Variants in TMCC1 observed in about 807,000 individuals in gnomAD.
The protein encoded by TMCC1 is transmembrane and coiled-coil domain family 1, also known as transmembrane and coiled-coil domains protein 1.
TMCC1 carries 15 observed loss-of-function variants against 52.4 expected under a neutral mutation model. The observed-to-expected ratio is 0.29, with a 90% confidence interval of 0.19 to 0.44. TMCC1 has a LOEUF of 0.44. TMCC1 is among the 20% of genes least tolerant of loss of function. The probability of loss-of-function intolerance (pLI) is 1.00; values close to 1 mark genes in which losing one functional copy is unlikely to be tolerated. For synonymous variants in TMCC1, 279 were observed against 301.9 expected (o/e 0.92, Z 0.79); for missense variants, 503 against 806.0 (o/e 0.62, Z 4.55).
In TMCC1 at chr3:129,651,383, T is replaced by G. The variant is rs946466051; in HGVS notation, c.*98A>C. ...ATGTAAACAGATTCACTCAACTCTT[T>G]TTTTGTTGTAGAAAACTTCAGAGTA... On this transcript the variant is annotated 3_prime_UTR_variant, in exon 7 of 7. Coordinates refer to ENST00000393238, the MANE Select transcript of TMCC1 (RefSeq NM_001017395.5). The surrounding 1 kb of genome is among the most constrained non-coding windows in gnomAD (Gnocchi z 5.1). The G allele has an allele frequency of 1.8e-5, 23 of 1,301,782 alleles. No individual in the cohort carries two copies. In the African/African-American group the frequency reaches 3.4e-4, roughly 19 times the overall value. 80.6% of individuals were successfully genotyped at this position (1,301,782 alleles called of 1,614,324 possible). A position where few individuals can be genotyped will look rare whatever the true frequency, so the allele number is the denominator to read the frequency against.
chr3:129,742,517 A>AC (rs1296425733), intron 4 of TMCC1, among the ~76,000 whole-genome samples: 1 of 152,148 alleles, frequency 6.6e-6, no homozygotes, highest in African/African-American at 2.4e-5. Context: ...ATGTGATACT[A>AC]CTTCATACCC....
chr3:129,876,442 T>C (rs1213086162), intron 2 of TMCC1, among the ~76,000 whole-genome samples: 1 of 152,066 alleles, frequency 6.6e-6, no homozygotes, highest in East Asian at 1.9e-4. Flanking sequence ...AATCCTTACA[T>C]TTTTTCTTTT....
chr3:129,816,896 G>A (rs1413092683), intron 4 of TMCC1, among the ~76,000 whole-genome samples: 1 of 151,952 alleles, frequency 6.6e-6, no homozygotes, highest in African/African-American at 2.4e-5. Flanking sequence ...AGGTGTGACG[G>A]TGCACACCTG....
At chr3:129,653,434 TAA>T (rs1272457796) in intron 6 of TMCC1, among the ~76,000 whole-genome samples, 1 of 152,192 alleles carries the variant, frequency 6.6e-6, no homozygotes, top group Non-Finnish European at 1.5e-5. Context: ...GACCAAACAT[TAA>T]AAGTGTCTAT....
intron 4 of TMCC1, among the ~76,000 whole-genome samples, chr3:129,808,106 T>TG (rs765048270): frequency 1.7e-3 from 125 of 71,552 alleles, no homozygotes; most frequent in Non-Finnish European, 2.5e-3. Context: ...GGGTCGGGGG[T>TG]GGGGGGTCAA....
At chr3:129,855,346 A>G (rs2060106225) in intron 2 of TMCC1, among the ~76,000 whole-genome samples, 1 of 152,178 alleles carries the variant, frequency 6.6e-6, no homozygotes, top group South Asian at 2.1e-4. Context: ...CTTCATGTCA[A>G]GTCCCAAAGC....
rs765006312 is a variant in TMCC1 at position 129,651,612 on chromosome 3, C to T, written c.1831G>A (p.Val611Met). 1.9e-6 allele frequency: 3 copies of T among 1,614,192 alleles called. No individual in the cohort carries two copies. The highest frequency in any genetic ancestry group is 2.5e-6 in the Non-Finnish European group (3 of 1,180,036). ...LVFVSTVANC[V>M]VPLMKTRNRT... ...TTGCGAGTCTTCATGAGGGGGACCA[C>T]ACAGTTGGCTACAGTGGAGACAAAG... Residue 611 changes from valine to methionine, a missense_variant, in exon 7 of 7, where the codon GTG becomes ATG. Val to Met is a conservative substitution (Grantham distance 21). This residue lies in a region of TMCC1 where 50 missense variants were observed against 62.6 expected (regional missense o/e 0.80). Coordinates refer to ENST00000393238, the MANE Select transcript of TMCC1 (RefSeq NM_001017395.5). The surrounding 1 kb of genome is among the most constrained non-coding windows in gnomAD (Gnocchi z 5.1).
At chr3:129,675,003 A>AT (rs370208185) in intron 4 of TMCC1, among the ~76,000 whole-genome samples, 212 of 151,728 alleles carry the variant, frequency 1.4e-3, no homozygotes, top group African/African-American at 4.0e-3. Flanking sequence ...ACACCCAGCT[A>AT]TTTTTTTTGC....
chr3:129,748,922 G>C (rs539205869), intron 4 of TMCC1, among the ~76,000 whole-genome samples: 1 of 152,206 alleles, frequency 6.6e-6, no homozygotes, highest in South Asian at 2.1e-4. Context: ...GAACCCGGGA[G>C]AAGGAGGCAC....
chr3:129,783,028 C>G (rs575956434), intron 4 of TMCC1, among the ~76,000 whole-genome samples: 1 of 152,274 alleles, frequency 6.6e-6, no homozygotes, highest in Non-Finnish European at 1.5e-5. Context: ...CAACGTGATT[C>G]CTGAAGTCAC....
At chr3:129,773,682 TG>T (rs1213207890) in intron 4 of TMCC1, among the ~76,000 whole-genome samples, 1 of 152,212 alleles carries the variant, frequency 6.6e-6, no homozygotes, top group Non-Finnish European at 1.5e-5. Context: ...AGGTGGCTCA[TG>T]TCTGTAATCC....
chr3:129,859,176 C>T (rs2060271855), intron 2 of TMCC1, among the ~76,000 whole-genome samples: 1 of 152,116 alleles, frequency 6.6e-6, no homozygotes, highest in Non-Finnish European at 1.5e-5. Flanking sequence ...ACATGTAAAT[C>T]TTACTCAAGG....
At chr3:129,737,142 C>T (rs1295531327) in intron 4 of TMCC1, among the ~76,000 whole-genome samples, 4 of 152,070 alleles carry the variant, frequency 2.6e-5, no homozygotes, top group Admixed American at 2.6e-4. Context: ...AGGGCTTCAC[C>T]CTCATGAATG....
At chr3:129,884,947 T>A (rs539429347) in intron 1 of TMCC1, among the ~76,000 whole-genome samples, 32 of 152,050 alleles carry the variant, frequency 2.1e-4, no homozygotes, top group African/African-American at 7.7e-4. Context: ...AAAACCAGCC[T>A]GGGCAACATG....
chr3:129,889,784 TAAG>T (rs1305793755), intron 1 of TMCC1, among the ~76,000 whole-genome samples: 2 of 151,348 alleles, frequency 1.3e-5, no homozygotes, highest in Non-Finnish European at 3.0e-5. Flanking sequence ...AATACAAAAA[TAAG>T]AAAAAATTAA....
intron 4 of TMCC1, among the ~76,000 whole-genome samples, chr3:129,771,797 A>AAAAAAAAAAAAAAAAAG (rs60824072): frequency 6.9e-5 from 6 of 86,832 alleles, no homozygotes; most frequent in Admixed American, 2.0e-4. Flanking sequence ...AAAAAAAAAA[A>AAAAAAAAAAAAAAAAAG]AAGAAGAAGA....
intron 4 of TMCC1, among the ~76,000 whole-genome samples, chr3:129,706,298 G>C (rs923487437): frequency 2.7e-5 from 4 of 150,500 alleles, no homozygotes; most frequent in African/African-American, 7.3e-5. Context: ...CCGCCTCCTG[G>C]GTTCTCAAGT....
At chr3:129,753,782 G>A (rs1297331542) in intron 4 of TMCC1, among the ~76,000 whole-genome samples, 1 of 152,054 alleles carries the variant, frequency 6.6e-6, no homozygotes, top group Non-Finnish European at 1.5e-5. Flanking sequence ...CTTGAGATCT[G>A]GAACAAAGTA....
intron 4 of TMCC1, among the ~76,000 whole-genome samples, chr3:129,756,630 A>G (rs200866123): frequency 6.6e-6 from 1 of 151,936 alleles, no homozygotes; most frequent in Admixed American, 6.6e-5. Flanking sequence ...ATCTCTTGAC[A>G]TCGTGATCCA....
Sources: gnomAD v4.1 joint callset for allele counts (sites outside exome capture counted in the v4.1 genomes callset) on GRCh38, gnomAD v4.1.1 for gene constraint, gnomAD v4.1.1 regional missense constraint, Gnocchi (gnomAD v3.1) non-coding constraint, MANE v1.5 for transcripts, NCBI Gene and HGNC (gene_info 2026-07-23, HGNC 2026-07-21) for gene names.